The following DOCK5 variants were observed in gnomAD, a reference collection of about 807,000 sequenced individuals.
The protein encoded by DOCK5 is dedicator of cytokinesis protein 5.
DOCK5 carries 142 observed loss-of-function variants against 251.8 expected under a neutral mutation model. That is an observed-to-expected ratio of 0.56 (90% CI 0.49 to 0.65). The LOEUF (loss-of-function observed/expected upper bound fraction) is 0.65. Ranked by LOEUF, DOCK5 falls within the 30% of genes least tolerant of loss-of-function variation. DOCK5 has a pLI of 0.00. For missense variants in DOCK5, 2,111 were observed against 2,312.3 expected, an observed-to-expected ratio of 0.91 and a Z score of 1.79; for synonymous variants, 842 against 835.5, an observed-to-expected ratio of 1.01 and a Z score of -0.13.
At chr8:25,221,711 A>T (rs765810693) in intron 1 of DOCK5, among the ~76,000 whole-genome samples, 2 of 152,192 alleles carry the variant, frequency 1.3e-5, no homozygotes, top group African/African-American at 2.4e-5. Context: ...ACTTACAGGG[A>T]CCATGCTGAG....
chr8:25,360,422 T>G (rs10086399), intron 28 of DOCK5, among the ~76,000 whole-genome samples: 46,897 of 151,688 alleles, frequency 0.31, 7,479 homozygotes, highest in East Asian at 0.35. Flanking sequence ...AGAGGCCCAG[T>G]ATGGGGGGTG....
intron 51 of DOCK5, among the ~76,000 whole-genome samples, chr8:25,410,972 T>TGTGTGTGTGTGTGCGTGC (rs1331552371): frequency 5.2e-5 from 1 of 19,168 alleles, no homozygotes. Flanking sequence ...TGTGTGTGTG[T>TGTGTGTGTGTGTGCGTGC]GCGCGCGCGC....
intron 5 of DOCK5, among the ~76,000 whole-genome samples, chr8:25,291,207 T>G (rs947400268): frequency 5.9e-5 from 9 of 152,074 alleles, no homozygotes; most frequent in Non-Finnish European, 1.3e-4. Flanking sequence ...TTAGGGTACA[T>G]GGATGATTTG....
chr8:25,324,072 T>A, intron 17 of DOCK5, 121 bp downstream of exon 17: 1 of 1,143,202 alleles, frequency 8.7e-7, no homozygotes, highest in Non-Finnish European at 1.2e-6. Flanking sequence ...ACTTGCCCAT[T>A]AACATCTAGA....
intron 28 of DOCK5, among the ~76,000 whole-genome samples, chr8:25,359,957 T>C (rs762923473): frequency 2.6e-5 from 4 of 152,224 alleles, no homozygotes; most frequent in Non-Finnish European, 4.4e-5. Context: ...AGGGGATTAT[T>C]AGTGGCCCTT....
intron 1 of DOCK5, among the ~76,000 whole-genome samples, chr8:25,230,122 A>C (rs910873033): frequency 6.6e-6 from 1 of 152,134 alleles, no homozygotes; most frequent in Non-Finnish European, 1.5e-5. Context: ...AATACTGCAG[A>C]CCTCTTAATC....
At chr8:25,206,934 G>A (rs1470585608) in intron 1 of DOCK5, among the ~76,000 whole-genome samples, 1 of 152,138 alleles carries the variant, frequency 6.6e-6, no homozygotes, top group Non-Finnish European at 1.5e-5. Context: ...ATAGAGAGAG[G>A]GGAGCAGATG....
intron 40 of DOCK5, among the ~76,000 whole-genome samples, chr8:25,383,681 G>T (rs1455976596): frequency 2.0e-5 from 3 of 152,000 alleles, no homozygotes; most frequent in Non-Finnish European, 4.4e-5. Flanking sequence ...ATGCTGAAAC[G>T]CTGTCCCTAC....
In DOCK5 at chr8:25,213,278, C is replaced by G. The variant is rs538299872; in HGVS notation, c.43+28327C>G. On this transcript the variant is annotated intron_variant, in intron 1 of 51. Transcript: ENST00000276440. ...GGCCGCAGTGACTTCTCCGGGGTCTCTCTGATGTCCAAAGCTCTCCCCACA... is the reference window on the plus strand; with the variant it reads ...GGCCGCAGTGACTTCTCCGGGGTCTGTCTGATGTCCAAAGCTCTCCCCACA... Among the ~76,000 whole-genome samples the G allele has an allele frequency of 1.3e-4, 19 of 150,514 alleles. No individual in the cohort carries two copies. The East Asian group carries it at 3.8e-3, about 30-fold the overall frequency.
chr8:25,367,041 AG>A, intron 31 of DOCK5, 71 bp downstream of exon 31: 1 of 1,351,020 alleles, frequency 7.4e-7, no homozygotes, highest in Non-Finnish European at 1.0e-6. Flanking sequence ...GCAATATTTT[AG>A]GTATCACAGA....
At chr8:25,310,884 A>G (rs1033199282) in intron 13 of DOCK5, among the ~76,000 whole-genome samples, 2 of 152,066 alleles carry the variant, frequency 1.3e-5, no homozygotes, top group African/African-American at 4.8e-5. Flanking sequence ...ACATAACTCA[A>G]ATTTTCTTAC....
At chr8:25,339,469 G>T (rs1805896668) in intron 22 of DOCK5, among the ~76,000 whole-genome samples, 1 of 152,186 alleles carries the variant, frequency 6.6e-6, no homozygotes, top group African/African-American at 2.4e-5. Flanking sequence ...GAGGCAAGGA[G>T]TAAAGAAATC....
chr8:25,393,022 A>G (rs1801287747), intron 44 of DOCK5, 140 bp downstream of exon 44: 1 of 688,816 alleles, frequency 1.5e-6, no homozygotes, highest in African/African-American at 1.8e-5. Context: ...AGAGAAATAA[A>G]AGGCATGCTT....
At position 25,413,366 on chromosome 8, in the gene DOCK5, CTT is replaced by C. The variant is rs1182856962; in HGVS notation, c.*2071_*2072del. 6.6e-6 allele frequency: 1 copy of C among 151,910 alleles called. No individual in the cohort carries two copies. The highest frequency in any genetic ancestry group is 1.5e-5 in the Non-Finnish European group (1 of 68,014). 9.4% of individuals were successfully genotyped at this position (151,910 alleles called of 1,614,324 possible). ...TCCAAATGGTGGTTTCCTTTGAGGTCTTTTACATGATTATTTATGACTAGAGA... is the reference window on the plus strand; with the variant it reads ...TCCAAATGGTGGTTTCCTTTGAGGTCTTACATGATTATTTATGACTAGAGA... On this transcript the variant is annotated 3_prime_UTR_variant, in exon 52 of 52. Transcript: ENST00000276440.
At chr8:25,261,389 G>A (rs1803578250) in intron 2 of DOCK5, among the ~76,000 whole-genome samples, 1 of 152,202 alleles carries the variant, frequency 6.6e-6, no homozygotes, top group Non-Finnish European at 1.5e-5. Flanking sequence ...GCATGCAGTA[G>A]TAATTAAGAT....
chr8:25,408,947 T>C lies in DOCK5; in HGVS notation c.5404+7T>C, dbSNP rs767024441. ...AAAGCCACCAGGACCCTAAGTAAGT[T>C]TTCCTGTATTCCTTATAGTCTTTTT... On this transcript the variant is annotated splice_region_variant and intron_variant, in intron 50 of 51. Transcript: ENST00000276440. 6.2e-7 allele frequency: 1 copy of C among 1,613,966 alleles called. No homozygotes were observed. Among genetic ancestry groups the C allele is most frequent in the South Asian group, 1.1e-5 (1 of 91,084 alleles).
chr8:25,251,390 T>C (rs1430760736), intron 2 of DOCK5, among the ~76,000 whole-genome samples: 1 of 152,134 alleles, frequency 6.6e-6, no homozygotes. Flanking sequence ...CAGGCAAACC[T>C]GAAAAGTTAA....
chr8:25,275,603 G>A (rs1804027564), intron 4 of DOCK5, among the ~76,000 whole-genome samples, 162 bp downstream of exon 4: 1 of 152,170 alleles, frequency 6.6e-6, no homozygotes, highest in Non-Finnish European at 1.5e-5. Context: ...GGGAGACCGA[G>A]GTGGGCAGAT....
In DOCK5 at chr8:25,242,776, G is replaced by A. The variant is rs1463825821; in HGVS notation, c.44-898G>A. The stretch of plus-strand genomic sequence containing the variant: ...GGTCACCTTGATTAGGAAGTGCTGG[G>A]GTAACCCAGTTGCCCAGGGTGCCCT... On this transcript the variant is annotated intron_variant, in intron 1 of 51. Coordinates refer to ENST00000276440, the MANE Select transcript of DOCK5 (RefSeq NM_024940.8). Among the ~76,000 whole-genome samples, 3 of 152,184 alleles carry A rather than the reference G, an allele frequency of 2.0e-5. No individual in the cohort carries two copies. The East Asian group carries it at 5.8e-4, about 29-fold the overall frequency.
Sources: gnomAD v4.1 joint callset for allele counts (sites outside exome capture counted in the v4.1 genomes callset) on GRCh38, gnomAD v4.1.1 for gene constraint, MANE v1.5 for transcripts, NCBI Gene and HGNC (gene_info 2026-07-23, HGNC 2026-07-21) for gene names.